The following RIC8B variants were observed in gnomAD, a reference collection of about 807,000 sequenced individuals.
RIC8B encodes the protein chaperone Ric-8B.
Under a neutral mutation model 57.5 loss-of-function variants are expected in RIC8B, and 16 were observed. That is an observed-to-expected ratio of 0.28 (90% CI 0.19 to 0.42). RIC8B has a LOEUF of 0.42. Among genes scored for constraint, RIC8B ranks in the 10% least tolerant of loss-of-function variants. The pLI, the probability that RIC8B is intolerant of heterozygous loss-of-function variation, is 1.00. For missense variants in RIC8B, 481 were observed against 677.0 expected, an observed-to-expected ratio of 0.71 and a Z score of 3.21; for synonymous variants, 216 against 250.8, an observed-to-expected ratio of 0.86 and a Z score of 1.31.
At chr12:106,819,736 GAAAA>G (rs555149043) in intron 3 of RIC8B, among the ~76,000 whole-genome samples, 4 of 84,928 alleles carry the variant, frequency 4.7e-5, no homozygotes, top group Non-Finnish European at 4.8e-5. Flanking sequence ...AGCGTCTCAG[GAAAA>G]AAAAAAAAAA....
chr12:106,784,141 A>G, intron 2 of RIC8B, 97 bp downstream of exon 2: 1 of 1,162,798 alleles, frequency 8.6e-7, no homozygotes, highest in Non-Finnish European at 1.3e-6. Context: ...ATGGTTATTG[A>G]TTGGTTTCTT....
chr12:106,829,382 G>A (rs2046254128), intron 4 of RIC8B, among the ~76,000 whole-genome samples: 1 of 152,192 alleles, frequency 6.6e-6, no homozygotes, highest in Non-Finnish European at 1.5e-5. Context: ...CCTATATGCT[G>A]ATGAGAGGAG....
At position 106,879,347 on chromosome 12, in the gene RIC8B, G is replaced by T. The variant is rs537016343; in HGVS notation, c.1572-6557G>T. 3.0e-6 allele frequency: 3 copies of T among 985,228 alleles called. No individual in the cohort carries two copies. The highest frequency in any genetic ancestry group is 6.2e-5 in the Admixed American group (1 of 16,252). The allele number at this position is 985,228 out of a possible 1,614,324, so 61.0% of individuals were successfully genotyped here. On this transcript the variant is annotated intron_variant, in intron 9 of 9. Transcript: ENST00000392837. The surrounding 1 kb of genome is among the most constrained non-coding windows in gnomAD (Gnocchi z 4.9). ...CTGACCTATTCTATATTGTGCGATTGGGTATGTTAGTATCTGAACCCCAAT... is the reference window on the plus strand; with the variant it reads ...CTGACCTATTCTATATTGTGCGATTTGGTATGTTAGTATCTGAACCCCAAT...
chr12:106,830,600 C>T (rs993717254), intron 4 of RIC8B, among the ~76,000 whole-genome samples: 5 of 152,164 alleles, frequency 3.3e-5, no homozygotes, highest in African/African-American at 1.2e-4. Context: ...GCTCTTAGCT[C>T]TTTAAGCTGA....
Position 106,886,008 on chromosome 12 carries a change from C to T in RIC8B, c.1676C>T (p.Thr559Ile). ...GTCATCGAAGAGACCAGCTCTGACA[C>T]AGACTAAAAGCATCACCTGCTCAAC... is the stretch of plus-strand genomic sequence containing the variant. ...YSVIEETSSD[T>I]D The change falls in exon 10 of 10, where the codon ACA (threonine) becomes ATA (isoleucine). Residue 559 changes from threonine to isoleucine, a missense_variant. Physicochemically the swap from Thr to Ile is moderately conservative, Grantham distance 89. This residue lies in a region of RIC8B where 17 missense variants were observed against 16.3 expected (regional missense o/e 1.05). Coordinates refer to ENST00000392837, the MANE Select transcript of RIC8B (RefSeq NM_001330145.2). 6.2e-7 allele frequency: 1 copy of T among 1,607,512 alleles called. No homozygotes were observed. The highest frequency in any genetic ancestry group is 1.3e-5 in the African/African-American group (1 of 74,884).
chr12:106,801,502 G>C (rs1387509764), intron 2 of RIC8B, among the ~76,000 whole-genome samples: 1 of 152,198 alleles, frequency 6.6e-6, no homozygotes, highest in Non-Finnish European at 1.5e-5. Context: ...AAGGAAGTTA[G>C]AGATGAAATT....
intron 4 of RIC8B, among the ~76,000 whole-genome samples, chr12:106,840,964 C>T (rs1593272525): frequency 6.6e-6 from 1 of 152,042 alleles, no homozygotes; most frequent in African/African-American, 2.4e-5. Context: ...AGAGTTATTT[C>T]CCCCCTTTTA....
intron 9 of RIC8B, chr12:106,878,915 T>G: frequency 1.1e-6 from 1 of 943,254 alleles, no homozygotes; most frequent in Non-Finnish European, 1.3e-6. Context: ...TAGAGGGAGG[T>G]GAATAGGTCT....
At chr12:106,843,351 A>G (rs1231606408) in intron 5 of RIC8B, among the ~76,000 whole-genome samples, 1 of 152,204 alleles carries the variant, frequency 6.6e-6, no homozygotes, top group African/African-American at 2.4e-5. Flanking sequence ...GGCTAAGCCC[A>G]TGGGAATCCT....
intron 1 of RIC8B, among the ~76,000 whole-genome samples, chr12:106,781,094 C>T (rs2043743106): frequency 6.6e-6 from 1 of 152,054 alleles, no homozygotes; most frequent in Non-Finnish European, 1.5e-5. Flanking sequence ...TGTTAGCTTG[C>T]TTGATCTCTA....
intron 9 of RIC8B, among the ~76,000 whole-genome samples, chr12:106,878,242 G>T (rs2136650221): frequency 6.6e-6 from 1 of 152,164 alleles, no homozygotes. Flanking sequence ...GAAGGATCAG[G>T]GTTCAAGCCT....
chr12:106,791,946 T>C (rs184633313), intron 2 of RIC8B, among the ~76,000 whole-genome samples: 74 of 152,354 alleles, frequency 4.9e-4, no homozygotes, highest in African/African-American at 1.8e-3. Context: ...CATTTGGAAT[T>C]GTCACACTCC....
intron 2 of RIC8B, among the ~76,000 whole-genome samples, chr12:106,790,132 T>G (rs976830116): frequency 2.6e-5 from 4 of 152,204 alleles, no homozygotes; most frequent in African/African-American, 9.7e-5. Context: ...AATGACAGCT[T>G]GCTAACACTC....
intron 8 of RIC8B, among the ~76,000 whole-genome samples, chr12:106,865,690 G>A (rs1950111718): frequency 6.6e-6 from 1 of 152,010 alleles, no homozygotes; most frequent in Non-Finnish European, 1.5e-5. Context: ...CCTTCTCACT[G>A]GTCTTGTTGC....
chr12:106,865,643 C>T (rs1013715046), intron 8 of RIC8B, among the ~76,000 whole-genome samples: 4 of 152,070 alleles, frequency 2.6e-5, no homozygotes, highest in Non-Finnish European at 5.9e-5. Context: ...CACTCTGGTC[C>T]AAGCTAAAAT....
rs774890010 is a variant in RIC8B at position 106,815,200 on chromosome 12, G to A, written c.637G>A (p.Asp213Asn). 8.1e-6 allele frequency: 13 copies of A among 1,614,214 alleles called. No individual in the cohort carries two copies. Among genetic ancestry groups the A allele is most frequent in the Non-Finnish European group, 1.1e-5 (13 of 1,180,042 alleles). ...GACCGATGAGTATGAATCGGCCATA[G>A]ACCATAATGGACCTCCTCTCTCACC... ...KWTDEYESAIDHNGPPLSPQE... is the reference protein window; with the variant it reads ...KWTDEYESAINHNGPPLSPQE... Residue 213 changes from aspartate to asparagine, a missense_variant, in exon 3 of 10, where the codon GAC becomes AAC. Physicochemically the swap from Asp to Asn is conservative, Grantham distance 23. Coordinates refer to ENST00000392837, the MANE Select transcript of RIC8B (RefSeq NM_001330145.2).
At chr12:106,834,037 T>C (rs1424587644) in intron 4 of RIC8B, among the ~76,000 whole-genome samples, 3 of 152,196 alleles carry the variant, frequency 2.0e-5, no homozygotes, top group African/African-American at 7.2e-5. Flanking sequence ...GCCAGTAAGA[T>C]ACAAGTGCTA....
At chr12:106,827,105 C>T (rs1325234527) in intron 4 of RIC8B, among the ~76,000 whole-genome samples, 1 of 152,004 alleles carries the variant, frequency 6.6e-6, no homozygotes, top group African/African-American at 2.4e-5. Context: ...TCAAATTTTG[C>T]GACTTGTCCG....
At chr12:106,842,453 T>C (rs1948992728) in intron 4 of RIC8B, 136 bp from the exon 5 acceptor site, 2 of 637,234 alleles carry the variant, frequency 3.1e-6, no homozygotes, top group Admixed American at 2.9e-5. Flanking sequence ...GTGTCAAGTG[T>C]CCATAATGGC....
Sources: allele counts gnomAD v4.1 joint callset (sites outside exome capture counted in the v4.1 genomes callset), GRCh38; gene constraint gnomAD v4.1.1; regional missense constraint gnomAD v4.1.1; non-coding constraint Gnocchi (gnomAD v3.1); transcripts MANE v1.5; gene names NCBI Gene and HGNC (gene_info 2026-07-23, HGNC 2026-07-21).